The following GRIN2A variants were observed in gnomAD, a reference collection of about 807,000 sequenced individuals.
GRIN2A encodes glutamate ionotropic receptor NMDA type subunit 2A.
In GRIN2A, 22 loss-of-function variants were observed where a neutral mutation model predicts 113.4. The observed-to-expected ratio is 0.19, with a 90% CI of 0.14 to 0.28. The LOEUF is 0.28. GRIN2A is among the 10% of genes least tolerant of loss of function. The probability of loss-of-function intolerance (pLI) is 1.00; values close to 1 mark genes in which losing one functional copy is unlikely to be tolerated. For synonymous variants in GRIN2A, 827 were observed against 738.4 expected, an observed-to-expected ratio of 1.12 and a Z score of -1.94; for missense variants, 1,502 against 1,887.0, an observed-to-expected ratio of 0.80 and a Z score of 3.78.
intron 2 of GRIN2A, among the ~76,000 whole-genome samples, chr16:10,166,346 C>T (rs1820551372): frequency 6.6e-6 from 1 of 152,196 alleles, no homozygotes; most frequent in African/African-American, 2.4e-5. Flanking sequence ...CCACTCAAGA[C>T]TGGCAGCCTT....
intron 2 of GRIN2A, among the ~76,000 whole-genome samples, chr16:10,126,961 T>C (rs1371901409): frequency 1.3e-5 from 2 of 152,164 alleles, no homozygotes; most frequent in Non-Finnish European, 2.9e-5. Flanking sequence ...CAAAGAGCCT[T>C]TTCTGGGGGA....
At position 10,180,276 on chromosome 16, in the gene GRIN2A, C is replaced by T. The variant is rs796052542; in HGVS notation, c.136G>A (p.Val46Met). The change falls in exon 2 of 13, where the codon GTG becomes ATG. Residue 46 changes from valine (V) to methionine (M), a missense_variant. This residue lies in a region of GRIN2A where 149 missense variants were observed against 179.1 expected (regional missense o/e 0.83). Transcript: ENST00000330684. The surrounding 1 kb of genome is among the most constrained non-coding windows in gnomAD (Gnocchi z 7.0). ...AGTGTTCGAAGTTCGCGCTCTGTCA[C>T]GTCGTGGCTGTGACCCAGCATCACC... ...IAVMLGHSHD[V>M]TERELRTLWG... 1.2e-5 allele frequency: 19 copies of T among 1,613,382 alleles called. 1 individual carries two copies. In the Admixed American group the frequency reaches 2.8e-4, roughly 24 times the overall value.
At chr16:9,844,441 G>A (rs902024005) in intron 5 of GRIN2A, among the ~76,000 whole-genome samples, 4 of 152,190 alleles carry the variant, frequency 2.6e-5, no homozygotes, top group Non-Finnish European at 4.4e-5. Flanking sequence ...AATTGGGAAC[G>A]TCTGTTGGTT....
chr16:10,175,413 A>G (rs180922233), intron 2 of GRIN2A, among the ~76,000 whole-genome samples: 64 of 152,344 alleles, frequency 4.2e-4, no homozygotes, highest in African/African-American at 1.5e-3. Flanking sequence ...GAAAAACCAT[A>G]TATACTATAA....
chr16:9,925,393 G>A (rs988330843), intron 3 of GRIN2A, among the ~76,000 whole-genome samples: 5 of 152,166 alleles, frequency 3.3e-5, no homozygotes, highest in African/African-American at 1.2e-4. Context: ...TTTGGCTTTA[G>A]GTAGTGTCCT....
At chr16:10,044,291 C>G (rs1180050906) in intron 2 of GRIN2A, among the ~76,000 whole-genome samples, 2 of 152,000 alleles carry the variant, frequency 1.3e-5, no homozygotes, top group Non-Finnish European at 2.9e-5. Flanking sequence ...CTCGGCCTCC[C>G]AAAGTGCTGG....
intron 2 of GRIN2A, among the ~76,000 whole-genome samples, chr16:10,100,882 A>G (rs1195737590): frequency 2.0e-5 from 3 of 152,212 alleles, no homozygotes; most frequent in Admixed American, 6.5e-5. Context: ...GTGCTGGCCA[A>G]TGTTTTTCAA....
At chr16:9,923,322 T>G (rs1037330508) in intron 3 of GRIN2A, among the ~76,000 whole-genome samples, 1 of 152,328 alleles carries the variant, frequency 6.6e-6, no homozygotes, top group South Asian at 2.1e-4. Context: ...ATTTCAACTT[T>G]CAACCTATTT....
intron 8 of GRIN2A, among the ~76,000 whole-genome samples, chr16:9,832,085 A>ATTTT (rs869309050): frequency 2.7e-4 from 36 of 132,786 alleles, no homozygotes; most frequent in African/African-American, 6.4e-4. Context: ...CGCCAGGCTT[A>ATTTT]TTTTATTTAT....
intron 4 of GRIN2A, among the ~76,000 whole-genome samples, chr16:9,886,817 G>C (rs1020728011): frequency 2.0e-5 from 3 of 152,138 alleles, no homozygotes; most frequent in Non-Finnish European, 4.4e-5. Context: ...TCATGTCAGG[G>C]GGTTAAATAT....
intron 2 of GRIN2A, among the ~76,000 whole-genome samples, chr16:10,105,822 G>A (rs2048488852): frequency 6.6e-6 from 1 of 152,178 alleles, no homozygotes; most frequent in Non-Finnish European, 1.5e-5. Context: ...CAGGAGAATG[G>A]CTTGAACCCA....
chr16:9,861,626 T>C (rs1048755178), intron 4 of GRIN2A, among the ~76,000 whole-genome samples: 3 of 152,224 alleles, frequency 2.0e-5, no homozygotes, highest in African/African-American at 7.2e-5. Flanking sequence ...CTGGAGGACT[T>C]TGCAGTTGAG....
intron 11 of GRIN2A, among the ~76,000 whole-genome samples, chr16:9,790,474 T>C (rs1885203138): frequency 6.6e-6 from 1 of 152,208 alleles, no homozygotes; most frequent in Non-Finnish European, 1.5e-5. Context: ...ATTCTGTTGG[T>C]TATATGCCTC....
chr16:10,166,973 T>A, intron 2 of GRIN2A, among the ~76,000 whole-genome samples: 1 of 152,336 alleles, frequency 6.6e-6, no homozygotes, highest in Non-Finnish European at 1.5e-5. Flanking sequence ...ACATATAGCA[T>A]AGAAAATTTG....
At chr16:10,054,232 C>G (rs554684544) in intron 2 of GRIN2A, among the ~76,000 whole-genome samples, 1 of 152,184 alleles carries the variant, frequency 6.6e-6, no homozygotes, top group Non-Finnish European at 1.5e-5. Context: ...AATGAATCTT[C>G]TGACATGACT....
chr16:10,081,461 T>G (rs1448270), intron 2 of GRIN2A, among the ~76,000 whole-genome samples: 131,385 of 152,230 alleles, frequency 0.86, 57,143 homozygotes, highest in East Asian at 1. Flanking sequence ...AAAAAGTGTC[T>G]AGTGGCTGGA....
At chr16:10,097,342 T>C (rs1020985034) in intron 2 of GRIN2A, among the ~76,000 whole-genome samples, 5 of 152,244 alleles carry the variant, frequency 3.3e-5, no homozygotes, top group African/African-American at 9.6e-5. Flanking sequence ...ATCGTAGAGA[T>C]GTTTGAAGTT....
At chr16:9,961,229 A>C (rs1355996857) in intron 2 of GRIN2A, among the ~76,000 whole-genome samples, 1 of 152,178 alleles carries the variant, frequency 6.6e-6, no homozygotes, top group Non-Finnish European at 1.5e-5. Context: ...AGACATTCCA[A>C]GTCTGAATCT....
chr16:9,860,893 C>T (rs1390222886), intron 4 of GRIN2A, among the ~76,000 whole-genome samples: 2 of 152,174 alleles, frequency 1.3e-5, no homozygotes, highest in Non-Finnish European at 2.9e-5. Context: ...ACCCACAATG[C>T]AGTTCAAGAA....
Sources: allele counts gnomAD v4.1 joint callset (sites outside exome capture counted in the v4.1 genomes callset), GRCh38; gene constraint gnomAD v4.1.1; regional missense constraint gnomAD v4.1.1; non-coding constraint Gnocchi (gnomAD v3.1); transcripts MANE v1.5; gene names NCBI Gene and HGNC (gene_info 2026-07-23, HGNC 2026-07-21).